Variants in GSG1L2 observed in about 807,000 individuals in gnomAD.
The protein encoded by GSG1L2 is germ cell-specific gene 1-like protein 2.
Under a neutral mutation model 9.0 loss-of-function variants are expected in GSG1L2, and 15 were observed. The observed-to-expected ratio is 1.67, with a 90% CI of 1.12 to 2.57. GSG1L2 has a LOEUF of 2.57. GSG1L2 is among the 30% of genes most tolerant of loss of function. GSG1L2 has a pLI of 0.00. For missense variants in GSG1L2, 286 were observed against 150.3 expected (o/e 1.90, Z -4.72); for synonymous variants, 127 against 57.9 (o/e 2.19, Z -5.41).
chr17:9,806,983 A>C (rs2066518491), intron 4 of GSG1L2, among the ~76,000 whole-genome samples: 2 of 152,236 alleles, frequency 1.3e-5, no homozygotes, highest in African/African-American at 2.4e-5. Context: ...ATATAAGATG[A>C]AAATGTAAGT....
Position 9,808,933 on chromosome 17 carries a change from T to G in GSG1L2, c.408A>C (p.Ile136=). The G allele has an allele frequency of 1.4e-6, 1 of 703,002 alleles. No homozygotes were observed. The highest frequency in any genetic ancestry group is 2.6e-6 in the Non-Finnish European group (1 of 385,024). The allele number at this position is 703,002 out of a possible 1,614,324, so 43.5% of individuals were successfully genotyped here. Residue 136 remains isoleucine, a synonymous_variant, in exon 3 of 5, where the codon ATA becomes ATC. Coordinates refer to ENST00000399363, the MANE Select transcript of GSG1L2 (RefSeq NM_001310219.2). ...IGGEVLDIVL[I]LTSAILLGSR... The stretch of plus-strand genomic sequence containing the variant: ...AGCCCAGGAGGATGGCGCTTGTCAG[T>G]ATCAGAACGATATCCAGGACCTCGC...
chr17:9,815,943 C>T (rs1325227658), intron 1 of GSG1L2, among the ~76,000 whole-genome samples: 3 of 152,034 alleles, frequency 2.0e-5, no homozygotes, highest in East Asian at 3.9e-4. Context: ...AATGGGTTCT[C>T]GTGGGGAGTT....
At chr17:9,807,708 T>C in intron 3 of GSG1L2, 107 bp from the exon 4 acceptor site, 1 of 675,310 alleles carries the variant, frequency 1.5e-6, no homozygotes, top group Non-Finnish European at 2.7e-6. Flanking sequence ...ATAAAGTCCT[T>C]TTGATGTATC....
chr17:9,817,157 A>G (rs1292421659), intron 1 of GSG1L2, among the ~76,000 whole-genome samples: 1 of 152,116 alleles, frequency 6.6e-6, no homozygotes, highest in Non-Finnish European at 1.5e-5. Flanking sequence ...CATTTTTACC[A>G]TCTACCTGTG....
chr17:9,821,735 TC>T (rs1567712654), intron 1 of GSG1L2, 26 bp downstream of exon 1: 2 of 699,134 alleles, frequency 2.9e-6, no homozygotes, highest in South Asian at 3.0e-5. Context: ...GCACCTGTCT[TC>T]CCCAGAATCT....
intron 1 of GSG1L2, among the ~76,000 whole-genome samples, chr17:9,815,510 G>A (rs995821979): frequency 4.6e-5 from 7 of 152,146 alleles, no homozygotes; most frequent in Non-Finnish European, 8.8e-5. Flanking sequence ...AAATTTGGGG[G>A]AAACACTGGA....
chr17:9,815,651 G>A (rs537642654), intron 1 of GSG1L2, among the ~76,000 whole-genome samples: 1 of 152,298 alleles, frequency 6.6e-6, no homozygotes, highest in Admixed American at 6.5e-5. Context: ...TGGACTTCAA[G>A]ATACTTTTTC....
intron 4 of GSG1L2, among the ~76,000 whole-genome samples, chr17:9,803,503 G>A (rs1306589879): frequency 6.6e-6 from 1 of 152,144 alleles, no homozygotes; most frequent in African/African-American, 2.4e-5. Flanking sequence ...CACTGTGTTG[G>A]GAACATGGTA....
chr17:9,821,916 G>A lies in GSG1L2; in HGVS notation c.156C>T (p.Cys52=). 2.8e-6 allele frequency: 2 copies of A among 703,310 alleles called. No homozygotes were observed. Among genetic ancestry groups the A allele is most frequent in the Admixed American group, 4.0e-5 (2 of 50,028 alleles). 43.6% of individuals were successfully genotyped at this position (703,310 alleles called of 1,614,324 possible). Residue 52 remains cysteine (C), a synonymous_variant, in exon 1 of 5, where the codon TGC becomes TGT. Coordinates refer to ENST00000399363, the MANE Select transcript of GSG1L2 (RefSeq NM_001310219.2). ...TGCTGTTGTCCCGTTTGAAGTGAAT[G>A]CAGTGCTGCCCTCCCGGCTGGTCCT... is the stretch of plus-strand genomic sequence containing the variant. ...LCQDQPGGQH[C]IHFKRDNSSN...
At chr17:9,814,812 C>T (rs1032718745) in intron 1 of GSG1L2, among the ~76,000 whole-genome samples, 3 of 152,114 alleles carry the variant, frequency 2.0e-5, no homozygotes, top group African/African-American at 4.8e-5. Flanking sequence ...TTTTGTTCTC[C>T]GCCGGCCCCC....
Position 9,821,224 on chromosome 17 carries a change from T to C in GSG1L2, c.310+538A>G, listed in dbSNP as rs547500288. Among the ~76,000 whole-genome samples the C allele has an allele frequency of 2.6e-5, 4 of 152,200 alleles. No homozygotes were observed. In the East Asian group the frequency reaches 7.7e-4, roughly 29 times the overall value. On this transcript the variant is annotated intron_variant, in intron 1 of 4. Coordinates refer to ENST00000399363, the MANE Select transcript of GSG1L2 (RefSeq NM_001310219.2). ...GCGGGCTTACAGCCAGGCTGCCAAATATGGAAGAGTCAAATTCCTCCCTCC... is the reference window on the plus strand; with the variant it reads ...GCGGGCTTACAGCCAGGCTGCCAAACATGGAAGAGTCAAATTCCTCCCTCC...
chr17:9,817,117 G>C (rs1243065682), intron 1 of GSG1L2, among the ~76,000 whole-genome samples: 2 of 151,900 alleles, frequency 1.3e-5, no homozygotes, highest in Non-Finnish European at 2.9e-5. Context: ...CGCGAACTGA[G>C]TGACAATTTT....
At chr17:9,812,883 A>C (rs1311367380) in intron 1 of GSG1L2, among the ~76,000 whole-genome samples, 2 of 152,200 alleles carry the variant, frequency 1.3e-5, no homozygotes, top group East Asian at 3.9e-4. Flanking sequence ...GATAACAGGC[A>C]TGGGCCACCA....
At chr17:9,814,184 TC>T (rs2066550656) in intron 1 of GSG1L2, among the ~76,000 whole-genome samples, 1 of 152,210 alleles carries the variant, frequency 6.6e-6, no homozygotes. Flanking sequence ...TCCGTCCGCC[TC>T]GGCCTCCCGA....
chr17:9,817,775 G>T (rs2066573491), intron 1 of GSG1L2, among the ~76,000 whole-genome samples: 1 of 152,014 alleles, frequency 6.6e-6, no homozygotes, highest in Non-Finnish European at 1.5e-5. Flanking sequence ...CTCCTGCTTG[G>T]GTGACAGAGA....
At chr17:9,815,320 G>A (rs2066555344) in intron 1 of GSG1L2, among the ~76,000 whole-genome samples, 1 of 152,202 alleles carries the variant, frequency 6.6e-6, no homozygotes, top group Non-Finnish European at 1.5e-5. Flanking sequence ...AACCCCGGAG[G>A]CAGGGGTTGC....
chr17:9,816,912 G>GTT (rs2066569443), intron 1 of GSG1L2, among the ~76,000 whole-genome samples: 4 of 41,386 alleles, frequency 9.7e-5, no homozygotes, highest in African/African-American at 3.8e-4. Flanking sequence ...GTGTGTATCT[G>GTT]TGTGTGTGTG....
chr17:9,809,375 T>TA (rs1487699342), intron 2 of GSG1L2: 1 of 270,278 alleles, frequency 3.7e-6, no homozygotes, highest in African/African-American at 2.2e-5. Flanking sequence ...CAGTGAGTGT[T>TA]ACAGCTCTTA....
intron 1 of GSG1L2, among the ~76,000 whole-genome samples, chr17:9,819,179 G>C (rs1359806672): frequency 6.6e-6 from 1 of 152,308 alleles, no homozygotes. Context: ...GATCAGAAAC[G>C]AAGAGGCAAT....
Sources: gnomAD v4.1 joint callset for allele counts (sites outside exome capture counted in the v4.1 genomes callset) on GRCh38, gnomAD v4.1.1 for gene constraint, MANE v1.5 for transcripts, NCBI Gene and HGNC (gene_info 2026-07-23, HGNC 2026-07-21) for gene names.